Variants in EXOC6B observed in about 807,000 individuals in gnomAD.
EXOC6B encodes SEC15 homolog B.
In EXOC6B, 54 loss-of-function variants were observed where a neutral mutation model predicts 113.5. The ratio of observed to expected loss-of-function variants is 0.48; its 90% CI spans 0.38 to 0.60. The LOEUF (loss-of-function observed/expected upper bound fraction) is 0.60, where lower values mean the gene tolerates loss of function less well. EXOC6B is among the 20% of genes least tolerant of loss of function. The pLI is 0.00. For missense variants in EXOC6B, 797 were observed against 977.5 expected (o/e 0.82, Z 2.46); for synonymous variants, 357 against 339.0 (o/e 1.05, Z -0.58).
At chr2:72,200,085 C>T (rs748048561) in intron 20 of EXOC6B, among the ~76,000 whole-genome samples, 8 of 151,996 alleles carry the variant, frequency 5.3e-5, no homozygotes, top group East Asian at 1.9e-4. Flanking sequence ...GTAGTAGAAA[C>T]GGGGTTTCAC....
chr2:72,528,674 G>A (rs1701849998), intron 8 of EXOC6B, among the ~76,000 whole-genome samples: 1 of 152,010 alleles, frequency 6.6e-6, no homozygotes, highest in Non-Finnish European at 1.5e-5. Context: ...CACAAACACA[G>A]TATGTCCCTC....
intron 20 of EXOC6B, among the ~76,000 whole-genome samples, chr2:72,281,900 G>C (rs1685154817): frequency 6.6e-6 from 1 of 152,078 alleles, no homozygotes; most frequent in Admixed American, 6.6e-5. Flanking sequence ...AAATAAGAAA[G>C]ATACATCATC....
At chr2:72,688,698 G>A (rs1273599942) in intron 6 of EXOC6B, among the ~76,000 whole-genome samples, 1 of 152,158 alleles carries the variant, frequency 6.6e-6, no homozygotes, top group African/African-American at 2.4e-5. Context: ...TATGAACAAG[G>A]CATTAACAGC....
intron 1 of EXOC6B, among the ~76,000 whole-genome samples, chr2:72,761,074 G>C (rs577671275): frequency 6.6e-6 from 1 of 152,216 alleles, no homozygotes; most frequent in South Asian, 2.1e-4. Context: ...CAGCTACTCA[G>C]GAGGCTGAGG....
chr2:72,693,657 G>A (rs1483841210), intron 6 of EXOC6B, among the ~76,000 whole-genome samples: 1 of 152,048 alleles, frequency 6.6e-6, no homozygotes, highest in Non-Finnish European at 1.5e-5. Flanking sequence ...AGGTTTGGTC[G>A]GGTTACTTAA....
intron 20 of EXOC6B, among the ~76,000 whole-genome samples, chr2:72,276,430 G>C (rs1684812606): frequency 6.6e-6 from 1 of 152,072 alleles, no homozygotes; most frequent in Non-Finnish European, 1.5e-5. Context: ...TATCATTTAG[G>C]CTGAAAGAGC....
rs145129467 is a variant in EXOC6B at position 72,526,871 on chromosome 2, A to G, written c.916-11745T>C. On this transcript the variant is annotated intron_variant, in intron 8 of 21. Coordinates refer to ENST00000272427, the MANE Select transcript of EXOC6B (RefSeq NM_015189.3). ...TCATTATAATTAATTATAGATTCACATATAGTTATAGGAAATAACAGAGAC... is the reference window on the plus strand; with the variant it reads ...TCATTATAATTAATTATAGATTCACGTATAGTTATAGGAAATAACAGAGAC... Among the ~76,000 whole-genome samples, 734 of 152,154 alleles carry G rather than the reference A, an allele frequency of 4.8e-3. 9 individuals carry two copies. Among genetic ancestry groups the G allele is most frequent in the African/African-American group, 0.016 (681 of 41,560 alleles).
chr2:72,414,016 T>A (rs879676944), intron 18 of EXOC6B, among the ~76,000 whole-genome samples: 14 of 152,226 alleles, frequency 9.2e-5, no homozygotes, highest in African/African-American at 9.6e-5. Flanking sequence ...CTACTTAATA[T>A]TCCCATTTCT....
chr2:72,218,407 G>A (rs17007943), intron 20 of EXOC6B, among the ~76,000 whole-genome samples: 7,401 of 152,170 alleles, frequency 0.049, 574 homozygotes, highest in African/African-American at 0.17. Context: ...CACTCAATAA[G>A]GGTCCCAGAA....
chr2:72,624,806 G>A (rs896304341), intron 6 of EXOC6B, among the ~76,000 whole-genome samples: 4 of 151,864 alleles, frequency 2.6e-5, no homozygotes, highest in African/African-American at 9.7e-5. Flanking sequence ...CACTAGCCAG[G>A]TACCATTCTA....
Position 72,404,242 on chromosome 2 carries a change from T to A in EXOC6B, c.1981-24372A>T, listed in dbSNP as rs547972734. Among the ~76,000 whole-genome samples, 92 of 152,218 alleles carry A rather than the reference T, an allele frequency of 6.0e-4. No individual in the cohort carries two copies. The South Asian group carries it at 0.013, about 21-fold the overall frequency. On this transcript the variant is annotated intron_variant, in intron 18 of 21. Coordinates refer to ENST00000272427, the MANE Select transcript of EXOC6B (RefSeq NM_015189.3). ...CGAACTGGGTGGAGCCCACCACAGC[T>A]CAAGGAGGCCTGCCTGCCTCTGTAG...
At position 72,602,225 on chromosome 2, in the gene EXOC6B, T is replaced by C. The variant is rs11895993; in HGVS notation, c.670-26557A>G. 4.4e-3 allele frequency among the ~76,000 whole-genome samples: 672 copies of C among 152,294 alleles called. 9 individuals carry two copies. The highest frequency in any genetic ancestry group is 0.015 in the African/African-American group (632 of 41,568). ...CTTAAGAGATGATCATAAGAATTTA[T>C]AAGTAGCCATGAATGTCTTGGTCAG... On this transcript the variant is annotated intron_variant, in intron 6 of 21. Coordinates refer to ENST00000272427, the MANE Select transcript of EXOC6B (RefSeq NM_015189.3).
At position 72,584,469 on chromosome 2, in the gene EXOC6B, G is replaced by A. The variant is rs141968699; in HGVS notation, c.670-8801C>T. ...AATTCAACAAGAAAACTTAACTATC[G>A]TAAATATGTATGCACCTAACATTGG... is the stretch of plus-strand genomic sequence containing the variant. On this transcript the variant is annotated intron_variant, in intron 6 of 21. Coordinates refer to ENST00000272427, the MANE Select transcript of EXOC6B (RefSeq NM_015189.3). Among the ~76,000 whole-genome samples the A allele has an allele frequency of 1.5e-4, 23 of 152,240 alleles. No homozygotes were observed. The East Asian group carries it at 3.3e-3, about 22-fold the overall frequency.
intron 6 of EXOC6B, among the ~76,000 whole-genome samples, chr2:72,609,308 C>T (rs1474534454): frequency 2.0e-5 from 3 of 151,906 alleles, no homozygotes; most frequent in Admixed American, 2.0e-4. Context: ...TAAATAACTA[C>T]TGTAAATGTG....
intron 6 of EXOC6B, among the ~76,000 whole-genome samples, chr2:72,606,698 G>A (rs894596489): frequency 3.3e-5 from 5 of 149,868 alleles, no homozygotes; most frequent in South Asian, 2.1e-4. Flanking sequence ...GCCCACTCTC[G>A]GTTCACTGCA....
intron 1 of EXOC6B, among the ~76,000 whole-genome samples, chr2:72,823,426 A>G (rs1158015211): frequency 7.1e-6 from 1 of 140,424 alleles, no homozygotes; most frequent in Non-Finnish European, 1.5e-5. Context: ...CTGTATCTGC[A>G]GGTTCAACCA....
intron 20 of EXOC6B, among the ~76,000 whole-genome samples, chr2:72,189,711 TCGC>T (rs1678687034): frequency 6.6e-6 from 1 of 151,908 alleles, no homozygotes; most frequent in African/African-American, 2.4e-5. Flanking sequence ...TGGCACAAAC[TCGC>T]CACCGTGCCC....
intron 1 of EXOC6B, among the ~76,000 whole-genome samples, chr2:72,803,745 T>A (rs1685426845): frequency 2.0e-5 from 3 of 152,300 alleles, no homozygotes; most frequent in South Asian, 2.1e-4. Flanking sequence ...AAAAGTAGGG[T>A]CTATACTTGC....
chr2:72,539,621 C>T (rs1362052102), intron 8 of EXOC6B, among the ~76,000 whole-genome samples: 2 of 151,926 alleles, frequency 1.3e-5, no homozygotes, highest in African/African-American at 4.8e-5. Flanking sequence ...TCACCAGATT[C>T]TCATTTCAAC....
Sources: gnomAD v4.1 joint callset for allele counts (sites outside exome capture counted in the v4.1 genomes callset) on GRCh38, gnomAD v4.1.1 for gene constraint, MANE v1.5 for transcripts, NCBI Gene and HGNC (gene_info 2026-07-23, HGNC 2026-07-21) for gene names.